Variants in PLPP3 observed in about 807,000 individuals in gnomAD.
PLPP3 encodes the protein PAP2 beta.
In PLPP3, 6 loss-of-function variants were observed where a neutral mutation model predicts 29.6. The ratio of observed to expected loss-of-function variants is 0.20; its 90% CI spans 0.11 to 0.40. The LOEUF (loss-of-function observed/expected upper bound fraction) is 0.40. PLPP3 is among the 10% of genes least tolerant of loss of function. PLPP3 has a pLI of 1.00. For missense variants in PLPP3, 308 were observed against 407.7 expected (o/e 0.76, Z 2.11); for synonymous variants, 152 against 159.7 (o/e 0.95, Z 0.36).
chr1:56,500,154 A>G (rs1429184550), intron 5 of PLPP3, among the ~76,000 whole-genome samples: 3 of 152,240 alleles, frequency 2.0e-5, no homozygotes, highest in African/African-American at 4.8e-5. Flanking sequence ...AATGCAATCA[A>G]TAAATACTTA....
Position 56,496,366 on chromosome 1 carries a change from G to C in PLPP3, c.*185C>G, listed in dbSNP as rs890529707. On this transcript the variant is annotated 3_prime_UTR_variant, in exon 6 of 6. Transcript: ENST00000371250. Reference sequence around the variant, plus strand: ...TGGCACTTGGTGTTAGTTTGCTGTTGTTTCCACATAGGCAAACACTACCTA... The same window carrying C: ...TGGCACTTGGTGTTAGTTTGCTGTTCTTTCCACATAGGCAAACACTACCTA... 1 of 601,276 alleles carries C rather than the reference G, an allele frequency of 1.7e-6. No homozygotes were observed. Among genetic ancestry groups the C allele is most frequent in the Non-Finnish European group, 2.8e-6 (1 of 361,132 alleles). 37.2% of individuals were successfully genotyped at this position (601,276 alleles called of 1,614,324 possible). A position where few individuals can be genotyped will look rare whatever the true frequency, so the allele number is the denominator to read the frequency against.
chr1:56,572,219 T>C (rs1198347803), intron 1 of PLPP3, among the ~76,000 whole-genome samples: 2 of 151,874 alleles, frequency 1.3e-5, no homozygotes, highest in East Asian at 3.9e-4. Context: ...CCGGCTAATT[T>C]TTGTATTTTT....
intron 1 of PLPP3, among the ~76,000 whole-genome samples, chr1:56,552,051 C>T (rs377227197): frequency 5.3e-5 from 8 of 152,204 alleles, no homozygotes; most frequent in South Asian, 2.1e-4. Flanking sequence ...CTGACTGTTC[C>T]GGATATGTTC....
chr1:56,573,859 G>T (rs1305024524), intron 1 of PLPP3, among the ~76,000 whole-genome samples: 1 of 152,152 alleles, frequency 6.6e-6, no homozygotes, highest in African/African-American at 2.4e-5. Flanking sequence ...AACTGCACAA[G>T]AAAGGGTAAA....
intron 1 of PLPP3, among the ~76,000 whole-genome samples, chr1:56,546,855 A>G (rs1441553233): frequency 1.3e-5 from 2 of 152,260 alleles, no homozygotes; most frequent in Non-Finnish European, 2.9e-5. Flanking sequence ...GACCCAACTT[A>G]TAGCTCTCTA....
At chr1:56,542,790 G>A (rs1210717152) in intron 1 of PLPP3, among the ~76,000 whole-genome samples, 1 of 152,078 alleles carries the variant, frequency 6.6e-6, no homozygotes, top group Non-Finnish European at 1.5e-5. Flanking sequence ...GGGAGGCTGA[G>A]GCAGTTGCAT....
intron 1 of PLPP3, among the ~76,000 whole-genome samples, chr1:56,564,000 G>A (rs904246076): frequency 6.6e-6 from 1 of 152,244 alleles, no homozygotes; most frequent in Non-Finnish European, 1.5e-5. Flanking sequence ...TTTACAAGGT[G>A]TGATAATTTC....
At chr1:56,552,749 G>T (rs956800874) in intron 1 of PLPP3, among the ~76,000 whole-genome samples, 16 of 152,284 alleles carry the variant, frequency 1.1e-4, no homozygotes, top group African/African-American at 3.6e-4. Context: ...GATGATTTCA[G>T]ATGCTAAACA....
At chr1:56,534,667 T>C (rs1014261305) in intron 2 of PLPP3, among the ~76,000 whole-genome samples, 1 of 152,150 alleles carries the variant, frequency 6.6e-6, no homozygotes, top group African/African-American at 2.4e-5. Context: ...GTCATCGTTG[T>C]TGTTGTTGTT....
chr1:56,553,368 CTG>C (rs1646053133), intron 1 of PLPP3, among the ~76,000 whole-genome samples: 1 of 152,162 alleles, frequency 6.6e-6, no homozygotes, highest in Non-Finnish European at 1.5e-5. Flanking sequence ...GGAAGATAAA[CTG>C]GGGTATGGGA....
chr1:56,537,411 C>G (rs1385089129), intron 1 of PLPP3, among the ~76,000 whole-genome samples: 1 of 152,128 alleles, frequency 6.6e-6, no homozygotes, highest in Non-Finnish European at 1.5e-5. Flanking sequence ...CTACAATACC[C>G]TGCTAAAAAT....
In PLPP3 at chr1:56,578,788, GGCGCGGCGCT is replaced by G. The variant is rs1377184063; in HGVS notation, c.139+80_139+89del. On this transcript the variant is annotated intron_variant, in intron 1 of 5. Transcript: ENST00000371250. ...CCCCCCGGAGCTGACGGCGCGGCGC[GGCGCGGCGCT>G]GCGCGGCCCCGGACTGGGCTGGGAC... 3.2e-5 allele frequency: 40 copies of G among 1,239,228 alleles called. 1 individual carries two copies. The South Asian group carries it at 1.1e-3, about 33-fold the overall frequency. 76.8% of individuals were successfully genotyped at this position (1,239,228 alleles called of 1,614,324 possible).
intron 5 of PLPP3, among the ~76,000 whole-genome samples, chr1:56,501,528 C>T (rs1429387248): frequency 6.6e-6 from 1 of 152,114 alleles, no homozygotes; most frequent in East Asian, 1.9e-4. Flanking sequence ...TCTCCCCAGC[C>T]CCTGGTAACC....
At chr1:56,500,001 A>G (rs1425773262) in intron 5 of PLPP3, among the ~76,000 whole-genome samples, 3 of 152,234 alleles carry the variant, frequency 2.0e-5, no homozygotes, top group Non-Finnish European at 4.4e-5. Context: ...ACTGGACAAT[A>G]AATACAGTTC....
intron 4 of PLPP3, chr1:56,513,269 AT>A (rs1443014996): frequency 6.6e-6 from 1 of 152,628 alleles, no homozygotes; most frequent in African/African-American, 2.4e-5. Context: ...CCTCAGAGTT[AT>A]CTTGCTGCAG....
At chr1:56,574,146 G>T (rs1459027779) in intron 1 of PLPP3, among the ~76,000 whole-genome samples, 1 of 150,630 alleles carries the variant, frequency 6.6e-6, no homozygotes, top group African/African-American at 2.5e-5. Flanking sequence ...GTTGCAGCGA[G>T]CCAAGATCAC....
intron 5 of PLPP3, among the ~76,000 whole-genome samples, chr1:56,510,487 T>C (rs1408053236): frequency 6.6e-6 from 1 of 152,268 alleles, no homozygotes; most frequent in Admixed American, 6.5e-5. Flanking sequence ...GTGCCCACTC[T>C]GATTGCTGCA....
chr1:56,560,434 TTA>T (rs1646113773), intron 1 of PLPP3, among the ~76,000 whole-genome samples: 1 of 152,276 alleles, frequency 6.6e-6, no homozygotes, highest in South Asian at 2.1e-4. Flanking sequence ...TTTTGAACAA[TTA>T]GAACTGCCTC....
At chr1:56,499,997 CAATA>C (rs1645656550) in intron 5 of PLPP3, among the ~76,000 whole-genome samples, 2 of 152,162 alleles carry the variant, frequency 1.3e-5, no homozygotes, top group African/African-American at 2.4e-5. Flanking sequence ...ACACACTGGA[CAATA>C]AATACAGTTC....
Sources: gnomAD v4.1 joint callset for allele counts (sites outside exome capture counted in the v4.1 genomes callset) on GRCh38, gnomAD v4.1.1 for gene constraint, MANE v1.5 for transcripts, NCBI Gene and HGNC (gene_info 2026-07-23, HGNC 2026-07-21) for gene names.